Variants in RRM2 observed in about 807,000 individuals in gnomAD.
RRM2 encodes the protein ribonucleotide reductase regulatory subunit M2, also known as ribonucleoside-diphosphate reductase subunit M2.
A neutral mutation model predicts 45.9 loss-of-function variants in RRM2; 6 were observed. The ratio of observed to expected loss-of-function variants is 0.13; its 90% CI spans 0.07 to 0.26. The LOEUF (loss-of-function observed/expected upper bound fraction) is 0.26, where lower values mean the gene tolerates loss of function less well. Among genes scored for constraint, RRM2 ranks in the 10% least tolerant of loss-of-function variants. The pLI is 1.00. For synonymous variants in RRM2, 177 were observed against 173.0 expected (o/e 1.02, Z -0.18); for missense variants, 343 against 489.5 (o/e 0.70, Z 2.82).
Position 10,122,848 on chromosome 2 carries a change from T to A in RRM2, c.50T>A (p.Leu17Gln). The change falls in exon 1 of 10, where the codon CTG becomes CAG. Residue 17 changes from leucine to glutamine, a missense_variant. This residue lies in a region of RRM2 where 131 missense variants were observed against 121.4 expected (regional missense o/e 1.08). Transcript: ENST00000304567. Reference protein sequence around the residue: ...PLAPITDPQQLQLSPLKGLSL... With the variant: ...PLAPITDPQQQQLSPLKGLSL... ...GCGCCCATCACGGACCCGCAGCAGC[T>A]GCAGCTCTCGCCGCTGAAGGGGCTC... The A allele has an allele frequency of 1.2e-6, 2 of 1,602,332 alleles. No individual in the cohort carries two copies. The highest frequency in any genetic ancestry group is 1.7e-6 in the Non-Finnish European group (2 of 1,176,124).
downstream of RRM2, among the ~76,000 whole-genome samples, chr2:10,132,292 G>T (rs967450943): frequency 6.6e-6 from 1 of 152,230 alleles, no homozygotes; most frequent in Non-Finnish European, 1.5e-5. Context: ...TCCCTCTGGA[G>T]CTTGGGTTTA....
In RRM2 at chr2:10,129,132, T is replaced by C. The variant is rs778700518; in HGVS notation, c.995T>C (p.Met332Thr). ...QYIEFVADRL[M>T]LELGFSKVFR... Reference sequence around the variant, plus strand: ...ATTGAGTTTGTGGCAGACAGACTTATGCTGGAACTGGGTTTTAGCAAGGTA... The same window carrying C: ...ATTGAGTTTGTGGCAGACAGACTTACGCTGGAACTGGGTTTTAGCAAGGTA... The change falls in exon 9 of 10, where the codon ATG becomes ACG. Residue 332 changes from methionine to threonine, a missense_variant. Transcript: ENST00000304567. This position sits in a 1 kb window ranked among gnomAD's most constrained non-coding sequence, Gnocchi z 4.8. The C allele has an allele frequency of 9.0e-5, 146 of 1,614,196 alleles. 2 individuals are homozygous for C. The East Asian group carries it at 3.2e-3, about 35-fold the overall frequency.
intron 3 of RRM2, among the ~76,000 whole-genome samples, chr2:10,163,640 G>A (rs1663616274): frequency 6.6e-6 from 1 of 152,244 alleles, no homozygotes; most frequent in Non-Finnish European, 1.5e-5. Flanking sequence ...AGCAGATGGT[G>A]CCAGAAAGGC....
At chr2:10,197,322 C>T (rs1259147546) in intron 3 of RRM2, among the ~76,000 whole-genome samples, 1 of 152,216 alleles carries the variant, frequency 6.6e-6, no homozygotes, top group Non-Finnish European at 1.5e-5. Flanking sequence ...GGGCTGTCTC[C>T]ACCTCTCCCT....
intron 5 of RRM2, among the ~76,000 whole-genome samples, chr2:10,125,541 T>C (rs1249681262): frequency 2.6e-5 from 4 of 152,062 alleles, no homozygotes; most frequent in Non-Finnish European, 5.9e-5. Context: ...CCGTCTCTAC[T>C]AAAAATAAAA....
downstream of RRM2, among the ~76,000 whole-genome samples, chr2:10,133,783 C>T (rs981166297): frequency 2.6e-5 from 4 of 151,312 alleles, no homozygotes; most frequent in South Asian, 2.1e-4. Context: ...TTCACCTTAG[C>T]CTTGGCTCTA....
rs191054082 is a variant in RRM2, at chr2:10,129,691, A to C, written c.*305A>C. The C allele has an allele frequency of 2.8e-4, 80 of 284,938 alleles. No homozygotes were observed. Among genetic ancestry groups the C allele is most frequent in the Non-Finnish European group, 4.4e-4 (67 of 153,338 alleles). 17.7% of individuals were successfully genotyped at this position (284,938 alleles called of 1,614,324 possible). ...AGCGGGATTAAACAGTCCTTTAACC[A>C]GCACAGCCAGTTAAAAGATGCAGCC... On this transcript the variant is annotated 3_prime_UTR_variant, in exon 10 of 10. Coordinates refer to ENST00000304567, the MANE Select transcript of RRM2 (RefSeq NM_001034.4). The surrounding 1 kb of genome is among the most constrained non-coding windows in gnomAD (Gnocchi z 4.8).
chr2:10,192,185 G>T (rs1169991784), intron 3 of RRM2, among the ~76,000 whole-genome samples: 1 of 152,186 alleles, frequency 6.6e-6, no homozygotes, highest in Non-Finnish European at 1.5e-5. Flanking sequence ...GGAGGTAAAA[G>T]CTGTTCAGCC....
chr2:10,145,318 C>T (rs1361517025), intron 3 of RRM2, among the ~76,000 whole-genome samples: 3 of 152,234 alleles, frequency 2.0e-5, no homozygotes, highest in South Asian at 4.1e-4. Flanking sequence ...GTTAGAGCCA[C>T]GTCATTCAAA....
At chr2:10,188,116 A>AC (rs750540148) in intron 3 of RRM2, among the ~76,000 whole-genome samples, 5 of 152,034 alleles carry the variant, frequency 3.3e-5, no homozygotes, top group Non-Finnish European at 5.9e-5. Flanking sequence ...TTCCCTGAGG[A>AC]CCCCGAGCTG....
At chr2:10,182,728 A>G (rs1664086267) in intron 3 of RRM2, among the ~76,000 whole-genome samples, 1 of 152,234 alleles carries the variant, frequency 6.6e-6, no homozygotes, top group African/African-American at 2.4e-5. Context: ...AGTGGTTTGA[A>G]GCAAATGGTT....
At chr2:10,159,919 C>T (rs1258585670) in intron 3 of RRM2, among the ~76,000 whole-genome samples, 3 of 152,120 alleles carry the variant, frequency 2.0e-5, no homozygotes, top group Admixed American at 6.5e-5. Flanking sequence ...CCAGGAGGCC[C>T]GGCTCTCCTT....
chr2:10,147,396 C>T (rs1421901265), intron 3 of RRM2, among the ~76,000 whole-genome samples: 1 of 152,088 alleles, frequency 6.6e-6, no homozygotes. Flanking sequence ...GATCCTCCCA[C>T]CTCATCTGAG....
chr2:10,131,622 C>T (rs902153654), downstream of RRM2, among the ~76,000 whole-genome samples: 1 of 152,112 alleles, frequency 6.6e-6, no homozygotes. Context: ...GCCTGTAATC[C>T]CAGCTACTCG....
intron 3 of RRM2, among the ~76,000 whole-genome samples, chr2:10,165,022 G>A (rs1000349537): frequency 2.6e-5 from 4 of 152,226 alleles, no homozygotes; most frequent in Non-Finnish European, 5.9e-5. Flanking sequence ...CCCGAACACA[G>A]CTCACTACAG....
chr2:10,152,135 A>G (rs1182714737), intron 3 of RRM2, among the ~76,000 whole-genome samples: 1 of 151,680 alleles, frequency 6.6e-6, no homozygotes, highest in Non-Finnish European at 1.5e-5. Flanking sequence ...TTTTTAGTAG[A>G]GACAAGCTTT....
upstream of RRM2, among the ~76,000 whole-genome samples, chr2:10,136,779 A>G (rs1662996009): frequency 6.6e-6 from 1 of 152,168 alleles, no homozygotes; most frequent in East Asian, 1.9e-4. Context: ...TCTTAAAAAC[A>G]AATACCCTGG....
At chr2:10,176,355 G>A (rs1663913426) in intron 3 of RRM2, among the ~76,000 whole-genome samples, 1 of 151,890 alleles carries the variant, frequency 6.6e-6, no homozygotes, top group East Asian at 1.9e-4. Flanking sequence ...TGCAACCTCC[G>A]CCTCCCGGGT....
intron 3 of RRM2, among the ~76,000 whole-genome samples, chr2:10,151,677 T>G (rs1663315283): frequency 6.6e-6 from 1 of 152,210 alleles, no homozygotes; most frequent in Non-Finnish European, 1.5e-5. Context: ...GTGACCCAAC[T>G]GCTCTTCAAA....
Sources: allele counts gnomAD v4.1 joint callset (sites outside exome capture counted in the v4.1 genomes callset), GRCh38; gene constraint gnomAD v4.1.1; regional missense constraint gnomAD v4.1.1; non-coding constraint Gnocchi (gnomAD v3.1); transcripts MANE v1.5; gene names NCBI Gene and HGNC (gene_info 2026-07-23, HGNC 2026-07-21).